The following SEPTIN7 variants were observed in gnomAD, a reference collection of about 807,000 sequenced individuals.
SEPTIN7 encodes the protein septin-7.
In SEPTIN7, 10 loss-of-function variants were observed where a neutral mutation model predicts 63.3. The observed-to-expected ratio is 0.16, with a 90% CI of 0.10 to 0.27. The LOEUF (loss-of-function observed/expected upper bound fraction) is 0.27. SEPTIN7 is among the 10% of genes least tolerant of loss of function. SEPTIN7 has a pLI of 1.00. For synonymous variants in SEPTIN7, 131 were observed against 165.3 expected, an observed-to-expected ratio of 0.79 and a Z score of 1.59; for missense variants, 310 against 521.0, an observed-to-expected ratio of 0.59 and a Z score of 3.94.
intron 1 of SEPTIN7, chr7:35,803,162 A>G (rs1455843842): frequency 1.9e-5 from 18 of 966,268 alleles, no homozygotes; most frequent in African/African-American, 5.3e-5. Flanking sequence ...TTTTTGTTGC[A>G]GGCTTTGGTT....
In SEPTIN7 at chr7:35,817,797, A is replaced by G. The variant is rs969556944; in HGVS notation, c.62-13695A>G. Among the ~76,000 whole-genome samples, 7 of 151,838 alleles carry G rather than the reference A, an allele frequency of 4.6e-5. No homozygotes were observed. In the East Asian group the frequency reaches 1.3e-3, roughly 29 times the overall value. ...TAGGTATTTTATTCTTGATGCTATC[A>G]CAGATGGAATTTTTTCTTAATTTTT... On this transcript the variant is annotated intron_variant, in intron 1 of 13. Coordinates refer to ENST00000350320, the MANE Select transcript of SEPTIN7 (RefSeq NM_001788.6).
intron 8 of SEPTIN7, 22 bp from the exon 9 acceptor site, chr7:35,883,869 A>C: frequency 7.6e-6 from 11 of 1,438,096 alleles, no homozygotes; most frequent in Non-Finnish European, 1.1e-5. Flanking sequence ...ATGTATTTGA[A>C]CAAGAATACT....
intron 1 of SEPTIN7, among the ~76,000 whole-genome samples, chr7:35,813,010 T>A (rs1474895366): frequency 1.3e-5 from 2 of 152,230 alleles, no homozygotes; most frequent in Non-Finnish European, 2.9e-5. Flanking sequence ...CTGCAAGATA[T>A]AAGTCCGGAG....
At chr7:35,869,459 A>G (rs150571642) in intron 4 of SEPTIN7, among the ~76,000 whole-genome samples, 45 of 152,314 alleles carry the variant, frequency 3.0e-4, no homozygotes, top group African/African-American at 7.7e-4. Flanking sequence ...GGCCATTCCA[A>G]TGTCTTCAGA....
At chr7:35,815,575 C>A (rs1447962342) in intron 1 of SEPTIN7, among the ~76,000 whole-genome samples, 1 of 152,118 alleles carries the variant, frequency 6.6e-6, no homozygotes, top group African/African-American at 2.4e-5. Context: ...GATGTAACTT[C>A]AGAACTATGT....
At chr7:35,818,471 A>G (rs1290003457) in intron 1 of SEPTIN7, among the ~76,000 whole-genome samples, 1 of 152,072 alleles carries the variant, frequency 6.6e-6, no homozygotes, top group African/African-American at 2.4e-5. Context: ...CTGGCCTCAT[A>G]AAATGAGTTG....
At chr7:35,851,078 A>T (rs1257973099) in intron 3 of SEPTIN7, among the ~76,000 whole-genome samples, 1 of 152,156 alleles carries the variant, frequency 6.6e-6, no homozygotes, top group Non-Finnish European at 1.5e-5. Flanking sequence ...AACCTTATAA[A>T]CAAATAGGTG....
chr7:35,873,514 A>C, intron 5 of SEPTIN7, 127 bp from the exon 6 acceptor site: 1 of 796,156 alleles, frequency 1.3e-6, no homozygotes, highest in Non-Finnish European at 1.9e-6. Flanking sequence ...TATATAGAAT[A>C]ACTTGACATA....
At position 35,832,703 on chromosome 7, in the gene SEPTIN7, T is replaced by C. The variant is rs769527727; in HGVS notation, c.67-95T>C. On this transcript the variant is annotated intron_variant, in intron 2 of 13. Transcript: ENST00000350320. Reference sequence around the variant, plus strand: ...GTTTGATTTGCTGTGAATAATAGTATAATTTTCTAAAATAGGTTAATGAAG... The same window carrying C: ...GTTTGATTTGCTGTGAATAATAGTACAATTTTCTAAAATAGGTTAATGAAG... The C allele has an allele frequency of 3.9e-6, 3 of 777,446 alleles. No individual in the cohort carries two copies. The Admixed American group carries it at 5.3e-5, about 14-fold the overall frequency. 48.2% of individuals were successfully genotyped at this position (777,446 alleles called of 1,614,324 possible). A position where few individuals can be genotyped will look rare whatever the true frequency, so the allele number is the denominator to read the frequency against.
intron 4 of SEPTIN7, among the ~76,000 whole-genome samples, chr7:35,871,266 AT>A (rs561849077): frequency 1.3e-5 from 2 of 152,094 alleles, no homozygotes; most frequent in African/African-American, 4.8e-5. Context: ...ATCTCAGGCA[AT>A]TTTTTTCAGT....
chr7:35,907,339 G>A (rs1304656041), downstream of SEPTIN7, among the ~76,000 whole-genome samples: 1 of 152,112 alleles, frequency 6.6e-6, no homozygotes, highest in African/African-American at 2.4e-5. Flanking sequence ...TGCCCCTTTT[G>A]TAATAAAAAC....
chr7:35,873,153 C>T (rs931572346), intron 5 of SEPTIN7, among the ~76,000 whole-genome samples: 21 of 151,992 alleles, frequency 1.4e-4, no homozygotes, highest in South Asian at 4.2e-4. Context: ...TCTGTAAGTC[C>T]TAAGTGAAGA....
At chr7:35,907,219 G>A (rs1207312969), downstream of SEPTIN7, 2 of 152,186 alleles carry the variant, frequency 1.3e-5, no homozygotes, top group South Asian at 2.1e-4. Context: ...GAAGACTGCT[G>A]TGGTGTCCTA....
chr7:35,911,737 G>A (rs577718641), downstream of SEPTIN7, among the ~76,000 whole-genome samples: 1 of 152,266 alleles, frequency 6.6e-6, no homozygotes, highest in East Asian at 1.9e-4. Context: ...TAAACATTAA[G>A]GATTTGTGGA....
chr7:35,873,966 C>T (rs1410884524), intron 6 of SEPTIN7, 191 bp downstream of exon 6: 1 of 488,362 alleles, frequency 2.0e-6, no homozygotes, highest in Non-Finnish European at 3.6e-6. Context: ...AGTGATTTTA[C>T]TCCTTAGTTC....
At chr7:35,806,363 A>G (rs1333395467) in intron 1 of SEPTIN7, among the ~76,000 whole-genome samples, 1 of 152,216 alleles carries the variant, frequency 6.6e-6, no homozygotes, top group Non-Finnish European at 1.5e-5. Context: ...TGGACATAGA[A>G]CATTATGCTA....
At chr7:35,900,193 A>G in intron 12 of SEPTIN7, 1 of 152,248 alleles carries the variant, frequency 6.6e-6, no homozygotes, top group East Asian at 1.9e-4. Flanking sequence ...TTTTTATTCC[A>G]CATCATTTCT....
intron 3 of SEPTIN7, among the ~76,000 whole-genome samples, chr7:35,840,391 T>G (rs1784354353): frequency 6.6e-6 from 1 of 150,440 alleles, no homozygotes; most frequent in African/African-American, 2.5e-5. Flanking sequence ...CCCAAGTACC[T>G]GGGACTACAG....
At chr7:35,892,585 A>G (rs1787714307) in intron 11 of SEPTIN7, among the ~76,000 whole-genome samples, 1 of 152,182 alleles carries the variant, frequency 6.6e-6, no homozygotes, top group Non-Finnish European at 1.5e-5. Flanking sequence ...TAAGTTGTAG[A>G]TAAAAGGAAT....
Sources: gnomAD v4.1 joint callset for allele counts (sites outside exome capture counted in the v4.1 genomes callset) on GRCh38, gnomAD v4.1.1 for gene constraint, MANE v1.5 for transcripts, NCBI Gene and HGNC (gene_info 2026-07-23, HGNC 2026-07-21) for gene names.